ANKS6: variants seen among roughly 807,000 people sequenced by gnomAD.
ANKS6 encodes ankyrin repeat and sterile alpha motif domain containing 6, also known as ankyrin repeat and SAM domain-containing protein 6.
Under a neutral mutation model 77.9 loss-of-function variants are expected in ANKS6, and 47 were observed. The ratio of observed to expected loss-of-function variants is 0.60; its 90% CI spans 0.48 to 0.77. The LOEUF (loss-of-function observed/expected upper bound fraction) is 0.77. Among genes scored for constraint, ANKS6 ranks in the 30% least tolerant of loss-of-function variants. The probability of loss-of-function intolerance (pLI) is 0.00; values close to 1 mark genes in which losing one functional copy is unlikely to be tolerated. For synonymous variants in ANKS6, 488 were observed against 501.7 expected, an observed-to-expected ratio of 0.97 and a Z score of 0.37; for missense variants, 1,150 against 1,159.1, an observed-to-expected ratio of 0.99 and a Z score of 0.11.
rs775628679 is a variant in ANKS6 at position 98,790,439 on chromosome 9, G to A, written c.527C>T (p.Ser176Leu). Residue 176 changes from serine to leucine, a missense_variant, in exon 2 of 15, where the codon TCA becomes TTA. Transcript: ENST00000353234. Reference protein sequence around the residue: ...AGAFVDHHHPSGEQLGLGGSR... With the variant: ...AGAFVDHHHPLGEQLGLGGSR... Reference sequence around the variant, plus strand: ...GCCGCCCAACCCCAGTTGCTCGCCTGAAGGGTGGTGATGGTCCACAAAGGC... The same window carrying A: ...GCCGCCCAACCCCAGTTGCTCGCCTAAAGGGTGGTGATGGTCCACAAAGGC... 2.5e-6 allele frequency: 4 copies of A among 1,613,782 alleles called. No homozygotes were observed. The highest frequency in any genetic ancestry group is 1.7e-5 in the Admixed American group (1 of 60,008).
Position 98,768,158 on chromosome 9 carries a change from G to T in ANKS6, c.2065C>A (p.Pro689Thr), listed in dbSNP as rs1483551753. Residue 689 changes from proline (P) to threonine (T), a missense_variant, in exon 11 of 15, where the codon CCT becomes ACT. Coordinates refer to ENST00000353234, the MANE Select transcript of ANKS6 (RefSeq NM_173551.5). Reference sequence around the variant, plus strand: ...CTGGACCCCGGTGCTGGCCCCACAGGGCTTGACCGATGGCTGGGTTTCTGC... The same window carrying T: ...CTGGACCCCGGTGCTGGCCCCACAGTGCTTGACCGATGGCTGGGTTTCTGC... ...LEQKPSHRSS[P>T]VGPAPGSSPS... 1 of 1,614,014 alleles carries T rather than the reference G, an allele frequency of 6.2e-7. No individual in the cohort carries two copies. The highest frequency in any genetic ancestry group is 1.3e-5 in the African/African-American group (1 of 75,060).
intron 1 of ANKS6, 82 bp from the exon 2 acceptor site, chr9:98,790,688 T>C: frequency 6.6e-7 from 1 of 1,512,496 alleles, no homozygotes; most frequent in East Asian, 2.3e-5. Flanking sequence ...TGGCATGAAT[T>C]ATTAGTCCTG....
Position 98,734,087 on chromosome 9 carries a change from G to A in ANKS6, c.*2432C>T. On this transcript the variant is annotated 3_prime_UTR_variant, in exon 15 of 15. Coordinates refer to ENST00000353234, the MANE Select transcript of ANKS6 (RefSeq NM_173551.5). The stretch of plus-strand genomic sequence containing the variant: ...CCGTGCTGCCTCCACACATGCCCCC[G>A]CTGGGGTGCCCTTTCTCTTCCCTGC... 8 of 985,440 alleles carry A rather than the reference G, an allele frequency of 8.1e-6. No individual in the cohort carries two copies. The highest frequency in any genetic ancestry group is 9.4e-5 in the South Asian group (2 of 21,278). The allele number at this position is 985,440 out of a possible 1,614,324, so 61.0% of individuals were successfully genotyped here.
Position 98,768,182 on chromosome 9 carries a change from G to A in ANKS6, c.2041C>T (p.Gln681Ter). ...QRKKAAGLLE[Q>*]KPSHRSSPVG... The stretch of plus-strand genomic sequence containing the variant: ...GGGCTTGACCGATGGCTGGGTTTCT[G>A]CTCCAATAATCCGGCTGCTTTTTTC... The change falls in exon 11 of 15, where the codon CAG becomes TAG. Residue 681 changes from glutamine (Q) to a stop codon, truncating the protein, a stop_gained. Transcript: ENST00000353234. LOFTEE classifies it high-confidence loss of function. The A allele has an allele frequency of 6.2e-6, 10 of 1,614,116 alleles. No homozygotes were observed. Among genetic ancestry groups the A allele is most frequent in the Non-Finnish European group, 8.5e-6 (10 of 1,180,036 alleles).
intron 11 of ANKS6, among the ~76,000 whole-genome samples, chr9:98,757,008 T>C (rs1420863756): frequency 6.6e-6 from 1 of 151,592 alleles, no homozygotes; most frequent in Non-Finnish European, 1.5e-5. Context: ...TTTCTGCTCT[T>C]GATGCTCCTT....
rs1485353741 is a variant in ANKS6 at position 98,790,507 on chromosome 9, C to T, written c.459G>A (p.Arg153=). ...GCTTCACCACACCCAGGTGGCCGCC[C>T]CGAGAAGCCACAGTGAGCACACTGG... ...LGASVLTVAS[R]GGHLGVVKLL... Residue 153 remains arginine (R), a synonymous_variant, in exon 2 of 15, where the codon CGG becomes CGA. Coordinates refer to ENST00000353234, the MANE Select transcript of ANKS6 (RefSeq NM_173551.5). 1 of 1,613,388 alleles carries T rather than the reference C, an allele frequency of 6.2e-7. No individual in the cohort carries two copies. Among genetic ancestry groups the T allele is most frequent in the African/African-American group, 1.3e-5 (1 of 74,932 alleles).
intron 8 of ANKS6, among the ~76,000 whole-genome samples, chr9:98,777,076 C>T (rs1047246882): frequency 6.6e-6 from 1 of 152,234 alleles, no homozygotes; most frequent in Non-Finnish European, 1.5e-5. Context: ...TCTTTGACTC[C>T]TCTCACCCTG....
Position 98,756,609 on chromosome 9 carries a change from GA to G in ANKS6, c.2143-7del. On this transcript the variant is annotated splice_polypyrimidine_tract_variant and splice_region_variant and intron_variant, in intron 11 of 14. Transcript: ENST00000353234. The stretch of plus-strand genomic sequence containing the variant: ...CTTTTGCTGGTCTCCAATTTCTGCT[GA>G]ACAGAGTAAGACAAATACATAAGCC... 3 of 1,526,660 alleles carry G rather than the reference GA, an allele frequency of 2.0e-6. No homozygotes were observed. The highest frequency in any genetic ancestry group is 2.6e-6 in the Non-Finnish European group (3 of 1,140,736). The allele number at this position is 1,526,660 out of a possible 1,614,324, so 94.6% of individuals were successfully genotyped here.
chr9:98,771,920 T>C (rs771601459), intron 9 of ANKS6, among the ~76,000 whole-genome samples: 9 of 152,168 alleles, frequency 5.9e-5, no homozygotes, highest in Non-Finnish European at 8.8e-5. Flanking sequence ...TTTACTGCGG[T>C]TGCCTGTGTG....
rs1834470005 is a variant in ANKS6, at chr9:98,784,763, C to T, written c.907+69G>A. 4.1e-6 allele frequency: 6 copies of T among 1,457,760 alleles called. No individual in the cohort carries two copies. In the African/African-American group the frequency reaches 4.2e-5, roughly 10 times the overall value. 90.3% of individuals were successfully genotyped at this position (1,457,760 alleles called of 1,614,324 possible). A position where few individuals can be genotyped will look rare whatever the true frequency, so the allele number is the denominator to read the frequency against. On this transcript the variant is annotated intron_variant, in intron 3 of 14. Coordinates refer to ENST00000353234, the MANE Select transcript of ANKS6 (RefSeq NM_173551.5). ...CCCTGGGTGGCCCTGCAAAGGACTA[C>T]AAATATTAGGTTGGGAGAATGTAGC...
rs1421749735 is a variant in ANKS6, at chr9:98,791,053, G to C, written c.360-447C>G. On this transcript the variant is annotated intron_variant, in intron 1 of 14. Coordinates refer to ENST00000353234, the MANE Select transcript of ANKS6 (RefSeq NM_173551.5). This position sits in a 1 kb window ranked among gnomAD's most constrained non-coding sequence, Gnocchi z 4.3. ...TATTCAACGTGCCAAGGGTTACCCG[G>C]CTGGTAAGGGGTGGCATCAGGGTCA... Among the ~76,000 whole-genome samples the C allele has an allele frequency of 2.6e-5, 4 of 152,242 alleles. No homozygotes were observed. Among genetic ancestry groups the C allele is most frequent in the Admixed American group, 1.3e-4 (2 of 15,286 alleles).
rs868224905 is a variant in ANKS6, at chr9:98,753,179, T to C, written c.2327-2083A>G. On this transcript the variant is annotated intron_variant, in intron 12 of 14. Coordinates refer to ENST00000353234, the MANE Select transcript of ANKS6 (RefSeq NM_173551.5). ...AATATTCTTTCTTATAAATTCCATATAGCCAATTGATTCTCACCAAATGCT... is the reference window on the plus strand; with the variant it reads ...AATATTCTTTCTTATAAATTCCATACAGCCAATTGATTCTCACCAAATGCT... 3.9e-5 allele frequency among the ~76,000 whole-genome samples: 6 copies of C among 152,330 alleles called. No individual in the cohort carries two copies. In the Middle Eastern group the frequency reaches 0.017, roughly 432 times the overall value.
In ANKS6 at chr9:98,733,631, C is replaced by G. The variant is rs1831322805; in HGVS notation, c.*2888G>C. On this transcript the variant is annotated 3_prime_UTR_variant, in exon 15 of 15. Transcript: ENST00000353234. ...CCAATGGTGTCCAAGGAATTCCAGT[C>G]TTGCAAAAGCACCTTGGAGAAGTGA... The G allele has an allele frequency of 1.0e-6, 1 of 985,334 alleles. No homozygotes were observed. Among genetic ancestry groups the G allele is most frequent in the African/African-American group, 1.7e-5 (1 of 57,240 alleles). 61.0% of individuals were successfully genotyped at this position (985,334 alleles called of 1,614,324 possible). A position where few individuals can be genotyped will look rare whatever the true frequency, so the allele number is the denominator to read the frequency against.
intron 13 of ANKS6, among the ~76,000 whole-genome samples, chr9:98,747,085 C>T (rs1017685627): frequency 3.9e-5 from 6 of 152,174 alleles, no homozygotes; most frequent in African/African-American, 9.7e-5. Flanking sequence ...AGGGTGGATG[C>T]GGGATCTACA....
intron 14 of ANKS6, 150 bp from the exon 15 acceptor site, chr9:98,736,773 G>T: frequency 9.7e-7 from 1 of 1,027,432 alleles, no homozygotes; most frequent in Non-Finnish European, 1.4e-6. Flanking sequence ...AAAGAGTACC[G>T]AGTTCAATAA....
intron 3 of ANKS6, 133 bp downstream of exon 3, chr9:98,784,699 A>G: frequency 1.2e-6 from 1 of 853,330 alleles, no homozygotes; most frequent in Admixed American, 2.4e-5. Flanking sequence ...CTGAACTTCC[A>G]AACACCAAAC....
In ANKS6 at chr9:98,735,780, A is replaced by C; in HGVS notation, c.*739T>G. ...TCCTTCTATAATAGACTCTCTTTGC[A>C]ATAAAGAAAAATGCGTTTGACATAC... On this transcript the variant is annotated 3_prime_UTR_variant, in exon 15 of 15. Coordinates refer to ENST00000353234, the MANE Select transcript of ANKS6 (RefSeq NM_173551.5). 8.1e-7 allele frequency: 1 copy of C among 1,231,788 alleles called. No individual in the cohort carries two copies. Among genetic ancestry groups the C allele is most frequent in the Non-Finnish European group, 1.0e-6 (1 of 987,994 alleles). The allele number at this position is 1,231,788 out of a possible 1,614,324, so 76.3% of individuals were successfully genotyped here.
In ANKS6 at chr9:98,732,535, C is replaced by T; in HGVS notation, c.*3984G>A. On this transcript the variant is annotated 3_prime_UTR_variant, in exon 15 of 15. Transcript: ENST00000353234. ...CTTGCCGGAGGCAGTTTCTTCTGGC[C>T]TCACCCACCCAACCATGGCTACGTC... 1.3e-6 allele frequency: 2 copies of T among 1,550,606 alleles called. No homozygotes were observed. The highest frequency in any genetic ancestry group is 4.9e-5 in the East Asian group (2 of 40,920).
In ANKS6 at chr9:98,751,212, C is replaced by T. The variant is rs1479137012; in HGVS notation, c.2327-116G>A. ...TCAAATGAAATTCTATAAGAAACAC[C>T]AACACAGAAAGCTGATCTCAGCTGG... On this transcript the variant is annotated intron_variant, in intron 12 of 14. Transcript: ENST00000353234. The T allele has an allele frequency of 3.5e-6, 3 of 850,528 alleles. No individual in the cohort carries two copies. In the African/African-American group the frequency reaches 5.2e-5, roughly 15 times the overall value. 52.7% of individuals were successfully genotyped at this position (850,528 alleles called of 1,614,324 possible). A position where few individuals can be genotyped will look rare whatever the true frequency, so the allele number is the denominator to read the frequency against.
Sources: allele counts gnomAD v4.1 joint callset (sites outside exome capture counted in the v4.1 genomes callset), GRCh38; gene constraint gnomAD v4.1.1; non-coding constraint Gnocchi (gnomAD v3.1); transcripts MANE v1.5; gene names NCBI Gene and HGNC (gene_info 2026-07-23, HGNC 2026-07-21).